CLUAP1: variants seen among roughly 807,000 people sequenced by gnomAD.
CLUAP1 encodes the protein clusterin-associated protein 1.
In CLUAP1, 50 loss-of-function variants were observed where a neutral mutation model predicts 55.0. That is an observed-to-expected ratio of 0.91 (90% CI 0.72 to 1.15). The LOEUF (loss-of-function observed/expected upper bound fraction) is 1.15, where lower values mean the gene tolerates loss of function less well. Ranked by LOEUF, CLUAP1 falls within the 50% of genes most tolerant of loss-of-function variation. CLUAP1 has a pLI of 0.00. For missense variants in CLUAP1, 530 were observed against 507.6 expected, an observed-to-expected ratio of 1.04 and a Z score of -0.42; for synonymous variants, 195 against 175.4, an observed-to-expected ratio of 1.11 and a Z score of -0.88.
rs1881303777 is a variant in CLUAP1 at position 3,501,628 on chromosome 16, C to T, written c.22+539C>T. Among the ~76,000 whole-genome samples the T allele has an allele frequency of 2.6e-5, 4 of 152,030 alleles. No individual in the cohort carries two copies. The South Asian group carries it at 8.3e-4, about 32-fold the overall frequency. ...AGAAACCCCGTCTCTACTAAAATTACAAAATTAGCCGGGGGTGGTGGCGGG... is the reference window on the plus strand; with the variant it reads ...AGAAACCCCGTCTCTACTAAAATTATAAAATTAGCCGGGGGTGGTGGCGGG... On this transcript the variant is annotated intron_variant, in intron 1 of 11. Transcript: ENST00000576634.
intron 5 of CLUAP1, among the ~76,000 whole-genome samples, chr16:3,513,505 G>A (rs1027745673): frequency 1.3e-5 from 2 of 151,652 alleles, no homozygotes; most frequent in Non-Finnish European, 2.9e-5. Flanking sequence ...GCTGGAGTGC[G>A]GTGGCTCAAT....
chr16:3,515,452 TG>T, intron 5 of CLUAP1, 55 bp from the exon 6 acceptor site: 1 of 1,257,886 alleles, frequency 7.9e-7, no homozygotes, highest in Non-Finnish European at 1.1e-6. Flanking sequence ...CTAGGAATAC[TG>T]GTTTTGAGAA....
chr16:3,510,847 G>T (rs1156688809), intron 4 of CLUAP1, among the ~76,000 whole-genome samples: 1 of 152,228 alleles, frequency 6.6e-6, no homozygotes, highest in East Asian at 1.9e-4. Flanking sequence ...TGCTCCATTT[G>T]CCACGCCGAT....
rs572307894 is a variant in CLUAP1 at position 3,522,026 on chromosome 16, T to C, written c.714-1132T>C. The stretch of plus-strand genomic sequence containing the variant: ...GTAAGCCATGATCACACCACTGCAC[T>C]GTAGCCTGGGTGACAAAGTGAGACC... On this transcript the variant is annotated intron_variant, in intron 7 of 11. Coordinates refer to ENST00000576634, the MANE Select transcript of CLUAP1 (RefSeq NM_015041.3). Among the ~76,000 whole-genome samples, 281 of 152,242 alleles carry C rather than the reference T, an allele frequency of 1.8e-3. 1 individual carries two copies. The highest frequency in any genetic ancestry group is 6.6e-3 in the African/African-American group (274 of 41,548).
At chr16:3,519,867 T>A (rs780235206) in intron 6 of CLUAP1, 36 bp from the exon 7 acceptor site, 1 of 1,546,768 alleles carries the variant, frequency 6.5e-7, no homozygotes, top group South Asian at 1.3e-5. Context: ...GCTGTTTTTA[T>A]TGCCACCTTG....
intron 10 of CLUAP1, among the ~76,000 whole-genome samples, chr16:3,532,145 C>G (rs1317776572): frequency 6.6e-6 from 1 of 152,064 alleles, no homozygotes; most frequent in Non-Finnish European, 1.5e-5. Flanking sequence ...GGCCTGCCCC[C>G]TACTTTTTAA....
In CLUAP1 at chr16:3,529,412, CAT is replaced by C. The variant is rs1283855187; in HGVS notation, c.929-1149_929-1148del. On this transcript the variant is annotated intron_variant, in intron 9 of 11. Transcript: ENST00000576634. ...GTGTGTGTAGTTTATATATATATGTCATATATATTATTATATATAATATATAT... is the reference window on the plus strand; with the variant it reads ...GTGTGTGTAGTTTATATATATATGTCATATATTATTATATATAATATATAT... Among the ~76,000 whole-genome samples the C allele has an allele frequency of 6.4e-3, 504 of 78,894 alleles. 3 individuals carry two copies. Among genetic ancestry groups the C allele is most frequent in the Middle Eastern group, 0.012 (2 of 168 alleles). 51.8% of individuals were successfully genotyped at this position (78,894 alleles called of 152,430 possible).
chr16:3,521,708 C>T (rs2037838368), intron 7 of CLUAP1, among the ~76,000 whole-genome samples: 1 of 151,490 alleles, frequency 6.6e-6, no homozygotes, highest in East Asian at 2.0e-4. Flanking sequence ...GCTGGGATTA[C>T]AGGCATGAGT....
Position 3,501,050 on chromosome 16 carries a change from C to T in CLUAP1, c.-18C>T. 1.9e-6 allele frequency: 3 copies of T among 1,598,994 alleles called. No individual in the cohort carries two copies. The highest frequency in any genetic ancestry group is 2.6e-6 in the Non-Finnish European group (3 of 1,175,924). ...GGGCGAGCAGTTGCGACCCTGGGCTCCTGGGGACCTGAGCGTTATGTCTTT... is the reference window on the plus strand; with the variant it reads ...GGGCGAGCAGTTGCGACCCTGGGCTTCTGGGGACCTGAGCGTTATGTCTTT... On this transcript the variant is annotated 5_prime_UTR_variant, in exon 1 of 12. Transcript: ENST00000576634.
upstream of CLUAP1, among the ~76,000 whole-genome samples, chr16:3,500,702 G>A (rs1419818964): frequency 6.6e-6 from 1 of 152,114 alleles, no homozygotes; most frequent in East Asian, 1.9e-4. Context: ...GAAATGAGGG[G>A]GAAATAAGCA....
At chr16:3,498,351 G>C (rs138302357), upstream of CLUAP1, among the ~76,000 whole-genome samples, 94 of 152,082 alleles carry the variant, frequency 6.2e-4, no homozygotes, top group South Asian at 1.9e-3. Flanking sequence ...GCTTACACAA[G>C]CACACTGAAA....
At chr16:3,500,120 C>T (rs1206273579), upstream of CLUAP1, among the ~76,000 whole-genome samples, 1 of 152,266 alleles carries the variant, frequency 6.6e-6, no homozygotes, top group Non-Finnish European at 1.5e-5. Context: ...GTGGAGGCCG[C>T]CCCTTCCTGC....
chr16:3,509,156 A>T (rs935735249), intron 4 of CLUAP1, among the ~76,000 whole-genome samples: 1 of 152,126 alleles, frequency 6.6e-6, no homozygotes, highest in East Asian at 1.9e-4. Context: ...GCTGCCCAGG[A>T]GGCTGAGGTG....
At chr16:3,534,806 T>A (rs2038199388) in intron 11 of CLUAP1, 1 of 152,184 alleles carries the variant, frequency 6.6e-6, no homozygotes, top group South Asian at 2.1e-4. Context: ...ATCGAAAGTT[T>A]GATTTTGGAC....
intron 1 of CLUAP1, among the ~76,000 whole-genome samples, chr16:3,503,339 A>G (rs1034999765): frequency 2.0e-5 from 3 of 151,852 alleles, no homozygotes; most frequent in African/African-American, 4.8e-5. Flanking sequence ...ATTTTTTTGT[A>G]TTTTTAGTAG....
chr16:3,525,076 C>T (rs1320761682), intron 8 of CLUAP1, among the ~76,000 whole-genome samples: 10 of 152,154 alleles, frequency 6.6e-5, no homozygotes, highest in Non-Finnish European at 1.3e-4. Flanking sequence ...CTAACGCATC[C>T]GTGTGGACAC....
rs555725934 is a variant in CLUAP1 at position 3,531,521 on chromosome 16, CAA to C, written c.1036+858_1036+859del. Among the ~76,000 whole-genome samples the C allele has an allele frequency of 6.7e-5, 8 of 120,240 alleles. No homozygotes were observed. The South Asian group carries it at 8.0e-4, about 12-fold the overall frequency. The allele number at this position is 120,240 out of a possible 152,430, so 78.9% of individuals were successfully genotyped here. A position where few individuals can be genotyped will look rare whatever the true frequency, so the allele number is the denominator to read the frequency against. Reference sequence around the variant, plus strand: ...TGGGCGACAGAGTGAGACTCCGTCTCAAAAAAAAAAAAAGAGTTAAAACAAAA... The same window carrying C: ...TGGGCGACAGAGTGAGACTCCGTCTCAAAAAAAAAAAGAGTTAAAACAAAA... On this transcript the variant is annotated intron_variant, in intron 10 of 11. Transcript: ENST00000576634.
intron 3 of CLUAP1, 76 bp from the exon 4 acceptor site, chr16:3,508,213 C>A: frequency 7.4e-7 from 1 of 1,342,686 alleles, no homozygotes; most frequent in South Asian, 1.4e-5. Context: ...GCATTTTCAA[C>A]TCACCTACAT....
rs202019418 is a variant in CLUAP1 at position 3,515,484 on chromosome 16, G to A, written c.496-24G>A. 3.7e-4 allele frequency: 558 copies of A among 1,528,106 alleles called. 4 individuals are homozygous for A. The African/African-American group carries it at 6.1e-3, about 17-fold the overall frequency. The allele number at this position is 1,528,106 out of a possible 1,614,324, so 94.7% of individuals were successfully genotyped here. A position where few individuals can be genotyped will look rare whatever the true frequency, so the allele number is the denominator to read the frequency against. On this transcript the variant is annotated intron_variant, in intron 5 of 11. Coordinates refer to ENST00000576634, the MANE Select transcript of CLUAP1 (RefSeq NM_015041.3). ...GAGAACTCCTTTTCTGAAAATATAC[G>A]TAAATGATTTTACTGTTTCCTAGGA...
Sources: gnomAD v4.1 joint callset for allele counts (sites outside exome capture counted in the v4.1 genomes callset) on GRCh38, gnomAD v4.1.1 for gene constraint, MANE v1.5 for transcripts, NCBI Gene and HGNC (gene_info 2026-07-23, HGNC 2026-07-21) for gene names.